Variants in CPXM2 observed in about 807,000 individuals in gnomAD.
The protein encoded by CPXM2 is inactive carboxypeptidase-like protein X2.
In CPXM2, 66 loss-of-function variants were observed where a neutral mutation model predicts 86.1. The observed-to-expected ratio is 0.77, with a 90% confidence interval of 0.63 to 0.94. The LOEUF is 0.94. Among genes scored for constraint, CPXM2 ranks in the 40% least tolerant of loss-of-function variants. The pLI, the probability that CPXM2 is intolerant of heterozygous loss-of-function variation, is 0.00. For synonymous variants in CPXM2, 388 were observed against 400.2 expected (o/e 0.97, Z 0.36); for missense variants, 948 against 1,026.3 (o/e 0.92, Z 1.04).
In CPXM2 at chr10:123,920,697, C is replaced by G. The variant is rs185563324; in HGVS notation, n.174+18780G>C. Among the ~76,000 whole-genome samples, 317 of 152,192 alleles carry G rather than the reference C, an allele frequency of 2.1e-3. 1 individual carries two copies. Among genetic ancestry groups the G allele is most frequent in the Non-Finnish European group, 3.4e-3 (234 of 68,014 alleles). On this transcript the variant is annotated intron_variant and non_coding_transcript_variant, in intron 2 of 19. Transcript: ENST00000368854. ...AGTTCACGTGTTGGAAACTTAATCCCCAATATGATAGTGTTGAGAGTTGAG... is the reference window on the plus strand; with the variant it reads ...AGTTCACGTGTTGGAAACTTAATCCGCAATATGATAGTGTTGAGAGTTGAG...
intron 2 of CPXM2, among the ~76,000 whole-genome samples, chr10:123,933,202 C>T (rs1945682897): frequency 6.6e-6 from 1 of 152,196 alleles, no homozygotes; most frequent in African/African-American, 2.4e-5. Context: ...TGGTCTCCAA[C>T]CACAATGCCA....
At chr10:123,913,930 T>C in intron 2 of CPXM2, 1 of 456,262 alleles carries the variant, frequency 2.2e-6, no homozygotes, top group East Asian at 6.9e-5. Flanking sequence ...ATGCAATACA[T>C]AATTCCCAGA....
At chr10:123,915,567 A>C (rs1307680835) in intron 2 of CPXM2, among the ~76,000 whole-genome samples, 1 of 152,122 alleles carries the variant, frequency 6.6e-6, no homozygotes, top group Non-Finnish European at 1.5e-5. Flanking sequence ...AAAAATAAAA[A>C]TAAAAATAAA....
chr10:123,796,309 T>A (rs900249057), intron 6 of CPXM2, among the ~76,000 whole-genome samples: 1 of 152,226 alleles, frequency 6.6e-6, no homozygotes, highest in Non-Finnish European at 1.5e-5. Flanking sequence ...ATAAGAATGT[T>A]CTCTGTGGGG....
intron 6 of CPXM2, among the ~76,000 whole-genome samples, chr10:123,789,594 G>C (rs1313705878): frequency 6.6e-6 from 1 of 152,238 alleles, no homozygotes; most frequent in African/African-American, 2.4e-5. Flanking sequence ...ACAAATGCTT[G>C]TTCCTTGGTG....
chr10:123,766,443 C>T (rs957516556), intron 10 of CPXM2, among the ~76,000 whole-genome samples: 1 of 152,190 alleles, frequency 6.6e-6, no homozygotes, highest in Non-Finnish European at 1.5e-5. Context: ...AGGAGCTCAA[C>T]TATGATGACC....
At chr10:123,795,610 C>G (rs958255568) in intron 6 of CPXM2, among the ~76,000 whole-genome samples, 9 of 152,084 alleles carry the variant, frequency 5.9e-5, no homozygotes, top group African/African-American at 1.9e-4. Context: ...ATTTTGGGCC[C>G]CTGAGCTGCC....
intron 4 of CPXM2, among the ~76,000 whole-genome samples, chr10:123,802,821 T>C (rs1847489396): frequency 6.6e-6 from 1 of 152,210 alleles, no homozygotes; most frequent in South Asian, 2.1e-4. Flanking sequence ...CACTTGTTAT[T>C]ATCTTCCTTT....
At chr10:123,941,809 T>C (rs942785888), upstream of CPXM2, among the ~76,000 whole-genome samples, 6 of 152,192 alleles carry the variant, frequency 3.9e-5, no homozygotes, top group South Asian at 2.1e-4. Context: ...GGTTCTCTCG[T>C]TCACCTTGAG....
intron 4 of CPXM2, among the ~76,000 whole-genome samples, chr10:123,807,167 A>G (rs1302648237): frequency 1.3e-5 from 2 of 152,218 alleles, no homozygotes; most frequent in Non-Finnish European, 2.9e-5. Flanking sequence ...GTCAGATGCC[A>G]TACCAACATA....
At chr10:123,901,523 G>T (rs1464765443) in intron 2 of CPXM2, among the ~76,000 whole-genome samples, 1 of 149,856 alleles carries the variant, frequency 6.7e-6, no homozygotes, top group Non-Finnish European at 1.5e-5. Context: ...TTATAAGCTT[G>T]GTAGCTAAGA....
At chr10:123,896,518 A>G (rs748336808), upstream of CPXM2, among the ~76,000 whole-genome samples, 5 of 152,136 alleles carry the variant, frequency 3.3e-5, no homozygotes, top group Non-Finnish European at 7.4e-5. Context: ...AATTTTCAGC[A>G]TGTTTGTTCT....
Position 123,799,137 on chromosome 10 carries a change from A to C in CPXM2, c.716T>G (p.Val239Gly). The C allele has an allele frequency of 1.2e-6, 2 of 1,614,176 alleles. No individual in the cohort carries two copies. Among genetic ancestry groups the C allele is most frequent in the Admixed American group, 3.3e-5 (2 of 60,026 alleles). ...VSNDSHTWVT[V>G]KNGSGDMIFE... The stretch of plus-strand genomic sequence containing the variant: ...CACCATGTCTCCAGATCCATTCTTA[A>C]CAGTGACCCACGTGTGGCTGTCATT... The change falls in exon 5 of 14, where the codon GTT (valine) becomes GGT (glycine). Residue 239 changes from valine (V) to glycine (G), a missense_variant. Transcript: ENST00000241305.
At chr10:123,889,634 A>G (rs1339622280) in intron 1 of CPXM2, among the ~76,000 whole-genome samples, 2 of 152,238 alleles carry the variant, frequency 1.3e-5, no homozygotes, top group African/African-American at 2.4e-5. Flanking sequence ...CTTTCATTAA[A>G]AAGGTTTTTA....
chr10:123,908,754 A>T (rs1945464934), intron 2 of CPXM2, among the ~76,000 whole-genome samples: 1 of 152,190 alleles, frequency 6.6e-6, no homozygotes, highest in Non-Finnish European at 1.5e-5. Context: ...AACAGCCATG[A>T]GGTTTTTAAT....
At chr10:123,824,175 GT>G (rs1164426575) in intron 4 of CPXM2, among the ~76,000 whole-genome samples, 1 of 152,156 alleles carries the variant, frequency 6.6e-6, no homozygotes, top group African/African-American at 2.4e-5. Context: ...GTCAGTGGAA[GT>G]TTATGTGAAT....
Position 123,788,738 on chromosome 10 carries a change from T to C in CPXM2, c.890-8483A>G, listed in dbSNP as rs77748503. On this transcript the variant is annotated intron_variant, in intron 6 of 13. Transcript: ENST00000241305. ...GGGAACCTGCTCTTCACTGTCAGGT[T>C]CAGGGAGGTTTTAGGGGTGATGACA... Among the ~76,000 whole-genome samples, 599 of 152,292 alleles carry C rather than the reference T, an allele frequency of 3.9e-3. 2 individuals are homozygous for C. The highest frequency in any genetic ancestry group is 0.013 in the African/African-American group (560 of 41,562).
In CPXM2 at chr10:123,885,475, C is replaced by T. The variant is rs1268869024; in HGVS notation, c.305-5166G>A. ...GGAAAAACTCACCATGGAGCACCTACCTGTGCCTAGCATGAACCAGGCATT... is the reference window on the plus strand; with the variant it reads ...GGAAAAACTCACCATGGAGCACCTATCTGTGCCTAGCATGAACCAGGCATT... On this transcript the variant is annotated intron_variant, in intron 1 of 13. Transcript: ENST00000241305. The surrounding 1 kb of genome is among the most constrained non-coding windows in gnomAD (Gnocchi z 4.0). Among the ~76,000 whole-genome samples the T allele has an allele frequency of 1.3e-5, 2 of 152,222 alleles. No individual in the cohort carries two copies. The highest frequency in any genetic ancestry group is 2.9e-5 in the Non-Finnish European group (2 of 68,028).
intron 3 of CPXM2, among the ~76,000 whole-genome samples, chr10:123,861,857 T>C (rs766788524): frequency 1.2e-4 from 18 of 152,346 alleles, no homozygotes; most frequent in Admixed American, 2.6e-4. Context: ...AGGCTACGTT[T>C]GTCACAGCAG....
Sources: gnomAD v4.1 joint callset for allele counts (sites outside exome capture counted in the v4.1 genomes callset) on GRCh38, gnomAD v4.1.1 for gene constraint, Gnocchi (gnomAD v3.1) non-coding constraint, MANE v1.5 for transcripts, NCBI Gene and HGNC (gene_info 2026-07-23, HGNC 2026-07-21) for gene names.